The following SRGAP2C variants were observed in gnomAD, a reference collection of about 807,000 sequenced individuals.
SRGAP2C encodes the protein SLIT-ROBO Rho GTPase activating protein 2C.
In SRGAP2C, 15 loss-of-function variants were observed where a neutral mutation model predicts 25.1. That is an observed-to-expected ratio of 0.60 (90% CI 0.40 to 0.92). SRGAP2C has a LOEUF of 0.92. Among genes scored for constraint, SRGAP2C ranks in the 40% least tolerant of loss-of-function variants. The pLI is 0.00. For missense variants in SRGAP2C, 144 were observed against 264.4 expected (o/e 0.54, Z 3.16); for synonymous variants, 44 against 96.6 (o/e 0.46, Z 3.19).
chr1:121,231,682 T>G (rs1416775898), intron 2 of SRGAP2C, among the ~76,000 whole-genome samples: 1 of 150,498 alleles, frequency 6.6e-6, no homozygotes, highest in Non-Finnish European at 1.5e-5. Context: ...ATTATTGATG[T>G]GAGAATAACA....
At chr1:121,278,188 C>G in intron 2 of SRGAP2C, among the ~76,000 whole-genome samples, 1 of 152,038 alleles carries the variant, frequency 6.6e-6, no homozygotes, top group Non-Finnish European at 1.5e-5. Context: ...CTCTAGTAAT[C>G]GGCCCACCTC....
At chr1:121,243,781 TG>T (rs1553330124) in intron 2 of SRGAP2C, among the ~76,000 whole-genome samples, 1 of 129,042 alleles carries the variant, frequency 7.7e-6, no homozygotes, top group African/African-American at 3.3e-5. Context: ...GCAGTGTTTT[TG>T]TTTTTTTTTT....
At chr1:121,216,317 TC>T (rs1655384158) in intron 2 of SRGAP2C, among the ~76,000 whole-genome samples, 1 of 152,080 alleles carries the variant, frequency 6.6e-6, no homozygotes, top group Admixed American at 6.5e-5. Context: ...CTCTTCCATT[TC>T]TCATTGGGGT....
At chr1:121,206,475 G>A (rs587664991) in intron 2 of SRGAP2C, among the ~76,000 whole-genome samples, 1 of 152,276 alleles carries the variant, frequency 6.6e-6, no homozygotes, top group African/African-American at 2.4e-5. Context: ...AGATCAGTGG[G>A]GGCACTCTGA....
intron 4 of SRGAP2C, among the ~76,000 whole-genome samples, chr1:121,339,408 C>T (rs1290512239): frequency 6.6e-6 from 1 of 151,218 alleles, no homozygotes; most frequent in African/African-American, 2.4e-5. Flanking sequence ...TGGGCTACCA[C>T]ATCCAGCTAA....
chr1:121,309,529 C>T (rs1657932821), intron 3 of SRGAP2C, among the ~76,000 whole-genome samples: 6 of 150,940 alleles, frequency 4.0e-5, no homozygotes, highest in South Asian at 4.2e-4. Flanking sequence ...CCCACTAACT[C>T]GTCATCTAGC....
intron 2 of SRGAP2C, among the ~76,000 whole-genome samples, chr1:121,269,967 T>A (rs1305559667): frequency 6.6e-6 from 1 of 151,714 alleles, no homozygotes; most frequent in Non-Finnish European, 1.5e-5. Flanking sequence ...TGTTTCTTTT[T>A]TTGCCTTGGC....
At chr1:121,249,548 A>G (rs1448857918) in intron 2 of SRGAP2C, among the ~76,000 whole-genome samples, 1 of 36,174 alleles carries the variant, frequency 2.8e-5, no homozygotes, top group African/African-American at 1.5e-4. Flanking sequence ...AACATGGACT[A>G]TATATATATA....
intron 4 of SRGAP2C, among the ~76,000 whole-genome samples, chr1:121,356,692 C>CT (rs1659071681): frequency 6.6e-6 from 1 of 151,716 alleles, no homozygotes; most frequent in African/African-American, 2.4e-5. Flanking sequence ...TCAAGAAATG[C>CT]TTTGGCATGA....
chr1:121,266,425 T>C (rs1656782604), intron 2 of SRGAP2C, among the ~76,000 whole-genome samples: 1 of 151,870 alleles, frequency 6.6e-6, no homozygotes, highest in Admixed American at 6.6e-5. Context: ...ATGATGTTTA[T>C]TAGCTCATCA....
chr1:121,285,398 T>TCACACACA (rs1183882272), intron 3 of SRGAP2C, among the ~76,000 whole-genome samples: 1 of 64,370 alleles, frequency 1.6e-5, no homozygotes, highest in Non-Finnish European at 3.6e-5. Flanking sequence ...TCTGTCTCTC[T>TCACACACA]CTCTCTCACA....
intron 3 of SRGAP2C, 36 bp from the exon 4 acceptor site, chr1:121,324,442 C>G: frequency 6.2e-7 from 1 of 1,606,184 alleles, no homozygotes; most frequent in Non-Finnish European, 8.5e-7. Flanking sequence ...GGCTGTGTAT[C>G]AACAATGACT....
chr1:121,295,578 G>A (rs1228238622), intron 3 of SRGAP2C, among the ~76,000 whole-genome samples: 1 of 150,616 alleles, frequency 6.6e-6, no homozygotes, highest in African/African-American at 2.5e-5. Flanking sequence ...AGCACCTGGT[G>A]CAGGAAGAAT....
chr1:121,244,361 T>G (rs1280497030), intron 2 of SRGAP2C, among the ~76,000 whole-genome samples: 1 of 115,608 alleles, frequency 8.6e-6, no homozygotes, highest in Admixed American at 8.7e-5. Context: ...ATCGTGGGTT[T>G]TTTTTTTTTT....
intron 2 of SRGAP2C, among the ~76,000 whole-genome samples, chr1:121,278,169 A>G (rs1570757741): frequency 1.3e-5 from 2 of 151,338 alleles, no homozygotes; most frequent in African/African-American, 2.4e-5. Context: ...CTCGTCTGGA[A>G]CTCCTGAGCT....
intron 4 of SRGAP2C, among the ~76,000 whole-genome samples, chr1:121,347,576 AC>A (rs782614581): frequency 3.3e-5 from 5 of 152,066 alleles, no homozygotes; most frequent in African/African-American, 4.8e-5. Flanking sequence ...GGAGACCCTG[AC>A]CCCATCTCAA....
chr1:121,236,116 T>C (rs1280596119), intron 2 of SRGAP2C, among the ~76,000 whole-genome samples: 17 of 146,602 alleles, frequency 1.2e-4, no homozygotes, highest in African/African-American at 3.8e-4. Context: ...GCACCATACA[T>C]GGAGTCAGCC....
intron 3 of SRGAP2C, among the ~76,000 whole-genome samples, chr1:121,304,198 G>A (rs1259218145): frequency 4.4e-5 from 5 of 114,114 alleles, no homozygotes; most frequent in Admixed American, 3.9e-4. Flanking sequence ...GTGACAGACC[G>A]AGACTCCATA....
intron 2 of SRGAP2C, among the ~76,000 whole-genome samples, chr1:121,187,892 T>G (rs1654560945): frequency 6.6e-6 from 1 of 151,866 alleles, no homozygotes; most frequent in African/African-American, 2.4e-5. Flanking sequence ...GTTTGGACAT[T>G]TGTTTCAGAG....
Sources: allele counts gnomAD v4.1 joint callset (sites outside exome capture counted in the v4.1 genomes callset), GRCh38; gene constraint gnomAD v4.1.1; transcripts MANE v1.5; gene names NCBI Gene and HGNC (gene_info 2026-07-23, HGNC 2026-07-21).